The following DCLK2 variants were observed in gnomAD, a reference collection of about 807,000 sequenced individuals.
DCLK2 encodes the protein serine/threonine-protein kinase DCLK2.
In DCLK2, 31 loss-of-function variants were observed where a neutral mutation model predicts 78.4. That is an observed-to-expected ratio of 0.40 (90% confidence interval 0.30 to 0.53). The LOEUF (loss-of-function observed/expected upper bound fraction) is 0.53, where lower values mean the gene tolerates loss of function less well. Among genes scored for constraint, DCLK2 ranks in the 20% least tolerant of loss-of-function variants. DCLK2 has a pLI of 0.61. For synonymous variants in DCLK2, 407 were observed against 374.9 expected (o/e 1.09, Z -0.99); for missense variants, 872 against 973.7 (o/e 0.90, Z 1.39).
In DCLK2 at chr4:150,224,392, A is replaced by C. The variant is rs1473499274; in HGVS notation, c.1242-109A>C. 2.0e-5 allele frequency: 19 copies of C among 935,302 alleles called. No homozygotes were observed. The East Asian group carries it at 4.1e-4, about 20-fold the overall frequency. 57.9% of individuals were successfully genotyped at this position (935,302 alleles called of 1,614,324 possible). On this transcript the variant is annotated intron_variant, in intron 7 of 15. Transcript: ENST00000296550. ...AGACCAACCTGGGCAACATAATGAG[A>C]TCTCATCTCTACAAAAAAAAAAAAA...
chr4:150,229,643 C>T (rs1005406011), intron 8 of DCLK2, among the ~76,000 whole-genome samples: 27 of 152,142 alleles, frequency 1.8e-4, no homozygotes, highest in Non-Finnish European at 4.4e-5. Flanking sequence ...TATACCCCCC[C>T]ATTCCTCTCT....
intron 5 of DCLK2, among the ~76,000 whole-genome samples, chr4:150,219,224 T>C (rs1740979063): frequency 6.6e-6 from 1 of 151,606 alleles, no homozygotes; most frequent in Admixed American, 6.6e-5. Context: ...AAAGGTCTCT[T>C]ATGGCCATTT....
At chr4:150,250,530 AG>A (rs1164747924) in intron 15 of DCLK2, among the ~76,000 whole-genome samples, 3 of 151,800 alleles carry the variant, frequency 2.0e-5, no homozygotes, top group Non-Finnish European at 4.4e-5. Flanking sequence ...AGCAGGGAAC[AG>A]GGGTGGAGTG....
At chr4:150,102,962 T>A (rs1457718799) in intron 2 of DCLK2, 150 bp downstream of exon 2, 1 of 736,820 alleles carries the variant, frequency 1.4e-6, no homozygotes, top group African/African-American at 1.8e-5. Flanking sequence ...TATGTGTGTG[T>A]GTGTGTATGT....
intron 2 of DCLK2, among the ~76,000 whole-genome samples, chr4:150,176,427 G>A: frequency 6.6e-6 from 1 of 152,126 alleles, no homozygotes; most frequent in Non-Finnish European, 1.5e-5. Flanking sequence ...ACCTACCTAA[G>A]CCTCCACCCT....
intron 2 of DCLK2, among the ~76,000 whole-genome samples, chr4:150,118,412 G>A (rs1300365754): frequency 6.6e-6 from 1 of 152,096 alleles, no homozygotes; most frequent in African/African-American, 2.4e-5. Context: ...TAGACAAAAG[G>A]ATGACCCTTA....
intron 2 of DCLK2, among the ~76,000 whole-genome samples, chr4:150,136,964 TTTC>T (rs1445659697): frequency 1.6e-4 from 24 of 147,584 alleles, no homozygotes; most frequent in East Asian, 6.1e-4. Flanking sequence ...TTCTCATCTT[TTTC>T]TTCTTCTTCT....
At chr4:150,243,393 T>C (rs1743068233) in intron 12 of DCLK2, among the ~76,000 whole-genome samples, 2 of 152,236 alleles carry the variant, frequency 1.3e-5, no homozygotes, top group Admixed American at 1.3e-4. Context: ...GTTACCAAAG[T>C]GTCTTCATGG....
In DCLK2 at chr4:150,079,000, T is replaced by G. The variant is rs1234680629; in HGVS notation, c.-28T>G. The G allele has an allele frequency of 6.6e-7, 1 of 1,508,940 alleles. No homozygotes were observed. Among genetic ancestry groups the G allele is most frequent in the African/African-American group, 1.4e-5 (1 of 70,718 alleles). The allele number at this position is 1,508,940 out of a possible 1,614,324, so 93.5% of individuals were successfully genotyped here. A position where few individuals can be genotyped will look rare whatever the true frequency, so the allele number is the denominator to read the frequency against. On this transcript the variant is annotated 5_prime_UTR_variant, in exon 1 of 16. Transcript: ENST00000296550. The stretch of plus-strand genomic sequence containing the variant: ...CACCCTTAGTCGGCCCGGAACGTCT[T>G]TTTGCGGACGCCCTCGGAGCAGCCG...
intron 2 of DCLK2, among the ~76,000 whole-genome samples, chr4:150,130,226 C>T (rs189876377): frequency 6.6e-6 from 1 of 152,096 alleles, no homozygotes; most frequent in East Asian, 1.9e-4. Context: ...AAGTGAGGTC[C>T]CTGTTCTTCA....
Position 150,199,014 on chromosome 4 carries a change from C to T in DCLK2, c.961+911C>T, listed in dbSNP as rs1166632808. On this transcript the variant is annotated intron_variant, in intron 4 of 15. Transcript: ENST00000296550. ...CTTACTGTCTTCTACTCTGTGTATA[C>T]TGCATGTGTACAGTAAAGCGGGGTG... 5.8e-6 allele frequency: 9 copies of T among 1,553,336 alleles called. No homozygotes were observed. The Admixed American group carries it at 8.6e-5, about 15-fold the overall frequency.
At chr4:150,105,196 CT>C (rs1731169470) in intron 2 of DCLK2, among the ~76,000 whole-genome samples, 1 of 152,042 alleles carries the variant, frequency 6.6e-6, no homozygotes, top group Non-Finnish European at 1.5e-5. Flanking sequence ...AACAGATTTT[CT>C]AAGCATAACG....
intron 2 of DCLK2, among the ~76,000 whole-genome samples, chr4:150,184,493 C>G (rs1291070199): frequency 6.6e-6 from 1 of 152,088 alleles, no homozygotes; most frequent in Non-Finnish European, 1.5e-5. Flanking sequence ...TGCTTTGACA[C>G]CAACTCCTGT....
Position 150,256,272 on chromosome 4 carries a change from C to A in DCLK2, c.*25C>A. On this transcript the variant is annotated 3_prime_UTR_variant, in exon 16 of 16. Coordinates refer to ENST00000296550, the MANE Select transcript of DCLK2 (RefSeq NM_001040260.4). ...AGCCTCCTGCAGACGGGCGAAGCCG[C>A]CTGCTGCAGCCCAGGAAGCCAGCCC... is the stretch of plus-strand genomic sequence containing the variant. The A allele has an allele frequency of 6.8e-7, 1 of 1,476,052 alleles. No individual in the cohort carries two copies. The highest frequency in any genetic ancestry group is 9.0e-7 in the Non-Finnish European group (1 of 1,115,834). 91.4% of individuals were successfully genotyped at this position (1,476,052 alleles called of 1,614,324 possible). A position where few individuals can be genotyped will look rare whatever the true frequency, so the allele number is the denominator to read the frequency against.
At chr4:150,095,477 T>G (rs1560767117) in intron 1 of DCLK2, among the ~76,000 whole-genome samples, 1 of 152,250 alleles carries the variant, frequency 6.6e-6, no homozygotes, top group African/African-American at 2.4e-5. Context: ...TTCATTAGTA[T>G]GTAGTAGTTC....
chr4:150,113,403 G>A (rs897837622), intron 2 of DCLK2, among the ~76,000 whole-genome samples: 1 of 151,978 alleles, frequency 6.6e-6, no homozygotes, highest in Non-Finnish European at 1.5e-5. Context: ...GGCAGTTTTT[G>A]TATTATTTTG....
chr4:150,108,949 C>T (rs1293918007), intron 2 of DCLK2, among the ~76,000 whole-genome samples: 1 of 152,154 alleles, frequency 6.6e-6, no homozygotes, highest in Non-Finnish European at 1.5e-5. Context: ...TTAGGATGCT[C>T]ACATGCAGCG....
intron 2 of DCLK2, among the ~76,000 whole-genome samples, chr4:150,163,063 G>T (rs1284412027): frequency 6.6e-6 from 1 of 152,056 alleles, no homozygotes; most frequent in Non-Finnish European, 1.5e-5. Flanking sequence ...TAATCATTCT[G>T]CAGGGCGGTA....
In DCLK2 at chr4:150,203,905, T is replaced by C. The variant is rs765820611; in HGVS notation, c.1056+16T>C. 12 of 1,586,260 alleles carry C rather than the reference T, an allele frequency of 7.6e-6. No individual in the cohort carries two copies. The highest frequency in any genetic ancestry group is 1.0e-5 in the Non-Finnish European group (12 of 1,155,360). ...AGGATTAAAGGTATGAAATAGGATA[T>C]GTGGCATATTTGTGTGATTTTGTTA... is the stretch of plus-strand genomic sequence containing the variant. On this transcript the variant is annotated intron_variant, in intron 5 of 15. Transcript: ENST00000296550.
Sources: allele counts gnomAD v4.1 joint callset (sites outside exome capture counted in the v4.1 genomes callset), GRCh38; gene constraint gnomAD v4.1.1; transcripts MANE v1.5; gene names NCBI Gene and HGNC (gene_info 2026-07-23, HGNC 2026-07-21).